The following TMEM132D variants were observed in gnomAD, a reference collection of about 807,000 sequenced individuals.
The protein encoded by TMEM132D is transmembrane protein 132D.
Under a neutral mutation model 62.3 loss-of-function variants are expected in TMEM132D, and 21 were observed. The observed-to-expected ratio is 0.34, with a 90% CI of 0.24 to 0.49. The LOEUF (loss-of-function observed/expected upper bound fraction) is 0.49. Ranked by LOEUF, TMEM132D falls within the 20% of genes least tolerant of loss-of-function variation. The probability of loss-of-function intolerance (pLI) is 0.99; values close to 1 mark genes in which losing one functional copy is unlikely to be tolerated. For missense variants in TMEM132D, 1,346 were observed against 1,402.8 expected, an observed-to-expected ratio of 0.96 and a Z score of 0.65; for synonymous variants, 621 against 575.6, an observed-to-expected ratio of 1.08 and a Z score of -1.13.
intron 2 of TMEM132D, among the ~76,000 whole-genome samples, chr12:129,588,220 A>G (rs1379345602): frequency 6.6e-6 from 1 of 152,228 alleles, no homozygotes; most frequent in East Asian, 1.9e-4. Context: ...AGTTCCTTTC[A>G]CTACCTAAAG....
chr12:129,642,366 G>A (rs1039628483), intron 2 of TMEM132D, among the ~76,000 whole-genome samples: 12 of 152,242 alleles, frequency 7.9e-5, no homozygotes, highest in African/African-American at 2.7e-4. Flanking sequence ...AGCCTGGTCT[G>A]GGTCCAGCAT....
chr12:129,721,033 C>T (rs1283602402), intron 1 of TMEM132D, among the ~76,000 whole-genome samples: 1 of 152,208 alleles, frequency 6.6e-6, no homozygotes, highest in Non-Finnish European at 1.5e-5. Flanking sequence ...GGAGGGACCA[C>T]AGGTGCAGAG....
At chr12:129,197,182 G>A (rs1272555846) in intron 5 of TMEM132D, among the ~76,000 whole-genome samples, 1 of 152,152 alleles carries the variant, frequency 6.6e-6, no homozygotes, top group Non-Finnish European at 1.5e-5. Context: ...TTTCTTTATG[G>A]ATACTGAACT....
chr12:129,622,196 A>G (rs1230360480), intron 2 of TMEM132D, among the ~76,000 whole-genome samples: 3 of 152,166 alleles, frequency 2.0e-5, no homozygotes, highest in Non-Finnish European at 2.9e-5. Flanking sequence ...AACGGATGAA[A>G]AAGCAGAAGC....
intron 2 of TMEM132D, among the ~76,000 whole-genome samples, chr12:129,585,184 A>T (rs773182330): frequency 1.1e-4 from 17 of 152,242 alleles, no homozygotes; most frequent in Non-Finnish European, 1.9e-4. Flanking sequence ...TTAAGGAAAC[A>T]AATGAAATCA....
intron 2 of TMEM132D, among the ~76,000 whole-genome samples, chr12:129,623,744 T>TACACATATATATAC (rs1482566117): frequency 3.2e-5 from 4 of 123,466 alleles, no homozygotes. Context: ...TACATATATA[T>TACACATATATATAC]ACACATATAT....
At chr12:129,497,860 C>T (rs1486005771) in intron 3 of TMEM132D, among the ~76,000 whole-genome samples, 2 of 152,018 alleles carry the variant, frequency 1.3e-5, no homozygotes, top group African/African-American at 4.8e-5. Context: ...GGGGTTTCAC[C>T]ATGTTGCCCA....
chr12:129,758,197 G>T (rs112728292), intron 1 of TMEM132D, among the ~76,000 whole-genome samples: 1 of 152,078 alleles, frequency 6.6e-6, no homozygotes. Flanking sequence ...GAGCCACCAC[G>T]CCTGGCCCAC....
intron 3 of TMEM132D, among the ~76,000 whole-genome samples, chr12:129,466,306 T>C (rs1210081409): frequency 5.8e-5 from 2 of 34,412 alleles, no homozygotes; most frequent in East Asian, 1.2e-3. Context: ...TTTTTTTTTT[T>C]TTTTTTTTTT....
At chr12:129,822,648 G>C (rs76327249) in intron 1 of TMEM132D, among the ~76,000 whole-genome samples, 10,019 of 152,192 alleles carry the variant, frequency 0.066, 462 homozygotes, top group South Asian at 0.13. Context: ...AGTTCCACAC[G>C]GCTGCCAAGC....
At chr12:129,637,995 CA>C (rs1409362920) in intron 2 of TMEM132D, among the ~76,000 whole-genome samples, 1 of 152,138 alleles carries the variant, frequency 6.6e-6, no homozygotes. Flanking sequence ...GATCACGTTT[CA>C]AAATGAGATT....
At chr12:129,656,312 A>C (rs907381303) in intron 2 of TMEM132D, among the ~76,000 whole-genome samples, 2 of 151,658 alleles carry the variant, frequency 1.3e-5, no homozygotes. Context: ...GAGGGAGGGA[A>C]AAGAGGAGGG....
intron 2 of TMEM132D, among the ~76,000 whole-genome samples, chr12:129,615,371 GT>G (rs1189297023): frequency 6.6e-6 from 1 of 151,764 alleles, no homozygotes; most frequent in Non-Finnish European, 1.5e-5. Flanking sequence ...CAAAAGGAGG[GT>G]TTTCAGTTCA....
At chr12:129,526,139 A>G (rs1876028975) in intron 3 of TMEM132D, among the ~76,000 whole-genome samples, 1 of 152,254 alleles carries the variant, frequency 6.6e-6, no homozygotes, top group East Asian at 1.9e-4. Flanking sequence ...TGTACTGCAA[A>G]TTTCTAAGGG....
chr12:129,217,544 T>A (rs1173650120), intron 4 of TMEM132D, among the ~76,000 whole-genome samples: 1 of 152,138 alleles, frequency 6.6e-6, no homozygotes, highest in Non-Finnish European at 1.5e-5. Flanking sequence ...GGGGAAGGCA[T>A]CAGAGGAAGA....
chr12:129,543,375 AGGAT>A lies in TMEM132D; in HGVS notation c.969-12174_969-12171del, dbSNP rs546145246. ...ATGAGTGGGTGGATGGATGGATGTA[AGGAT>A]GGATGGATGGATGGATGGATGGATG... On this transcript the variant is annotated intron_variant, in intron 2 of 8. Coordinates refer to ENST00000422113, the MANE Select transcript of TMEM132D (RefSeq NM_133448.3). 2.3e-3 allele frequency among the ~76,000 whole-genome samples: 286 copies of A among 125,154 alleles called. 2 individuals carry two copies. The highest frequency in any genetic ancestry group is 6.5e-3 in the African/African-American group (195 of 30,196). The allele number at this position is 125,154 out of a possible 152,430, so 82.1% of individuals were successfully genotyped here. A position where few individuals can be genotyped will look rare whatever the true frequency, so the allele number is the denominator to read the frequency against.
chr12:129,760,507 C>T (rs1414024476), intron 1 of TMEM132D, among the ~76,000 whole-genome samples: 2 of 151,726 alleles, frequency 1.3e-5, no homozygotes, highest in African/African-American at 2.4e-5. Context: ...CCCGCCTCCA[C>T]GCCCGGCTGA....
chr12:129,681,094 T>G (rs756049312), intron 2 of TMEM132D, among the ~76,000 whole-genome samples: 6 of 152,178 alleles, frequency 3.9e-5, no homozygotes, highest in Non-Finnish European at 7.3e-5. Flanking sequence ...GTGTACTCAG[T>G]GAAAAGCACA....
At position 129,371,821 on chromosome 12, in the gene TMEM132D, C is replaced by T. The variant is rs1040633682; in HGVS notation, c.1116-34004G>A. On this transcript the variant is annotated intron_variant, in intron 3 of 8. Coordinates refer to ENST00000422113, the MANE Select transcript of TMEM132D (RefSeq NM_133448.3). This position sits in a 1 kb window ranked among gnomAD's most constrained non-coding sequence, Gnocchi z 4.3. ...GGTGATATCAAGAGACTTTCCAAGT[C>T]TTGTCTGTCCCCATGTTTCTTGCTG... Among the ~76,000 whole-genome samples, 1 of 152,158 alleles carries T rather than the reference C, an allele frequency of 6.6e-6. No homozygotes were observed. Among genetic ancestry groups the T allele is most frequent in the Non-Finnish European group, 1.5e-5 (1 of 68,036 alleles).
Sources: allele counts gnomAD v4.1 joint callset (sites outside exome capture counted in the v4.1 genomes callset), GRCh38; gene constraint gnomAD v4.1.1; non-coding constraint Gnocchi (gnomAD v3.1); transcripts MANE v1.5; gene names NCBI Gene and HGNC (gene_info 2026-07-23, HGNC 2026-07-21).